MYH13: variants seen among roughly 807,000 people sequenced by gnomAD.
MYH13 encodes myosin heavy chain 13.
A neutral mutation model predicts 232.1 loss-of-function variants in MYH13; 177 were observed. The observed-to-expected ratio is 0.76, with a 90% CI of 0.67 to 0.86. The LOEUF is 0.86. Among genes scored for constraint, MYH13 ranks in the 40% least tolerant of loss-of-function variants. The pLI, the probability that MYH13 is intolerant of heterozygous loss-of-function variation, is 0.00. For synonymous variants in MYH13, 884 were observed against 923.5 expected, an observed-to-expected ratio of 0.96 and a Z score of 0.78; for missense variants, 2,246 against 2,405.9, an observed-to-expected ratio of 0.93 and a Z score of 1.39.
intron 7 of MYH13, among the ~76,000 whole-genome samples, chr17:10,359,245 C>G (rs988297767): frequency 5.3e-5 from 8 of 152,116 alleles, no homozygotes; most frequent in Non-Finnish European, 8.8e-5. Context: ...TATTCCTGAC[C>G]CCTGGGAAGG....
At chr17:10,331,169 G>A (rs1907397399) in intron 20 of MYH13, among the ~76,000 whole-genome samples, 1 of 152,156 alleles carries the variant, frequency 6.6e-6, no homozygotes, top group Non-Finnish European at 1.5e-5. Flanking sequence ...ATTGTGCCCA[G>A]ATCAGAGAGA....
At chr17:10,336,289 G>A (rs992153415) in intron 18 of MYH13, among the ~76,000 whole-genome samples, 3 of 152,104 alleles carry the variant, frequency 2.0e-5, no homozygotes, top group African/African-American at 4.8e-5. Context: ...GTACCAATGC[G>A]TAAAACTTCT....
chr17:10,345,250 G>C lies in MYH13; in HGVS notation c.1536C>G (p.Phe512Leu). Residue 512 changes from phenylalanine to leucine, a missense_variant, in exon 15 of 41, where the codon TTC becomes TTG. Coordinates refer to ENST00000252172, the MANE Select transcript of MYH13 (RefSeq NM_003802.3). ...CAGCCAGGTCCATTCCGAAGTCAAT[G>C]AACTCCCACTCGATGCCTTCCTTCT... ...EYKKEGIEWE[F>L]IDFGMDLAAC... The C allele has an allele frequency of 6.2e-7, 1 of 1,614,144 alleles. No individual in the cohort carries two copies. The highest frequency in any genetic ancestry group is 8.5e-7 in the Non-Finnish European group (1 of 1,180,006).
Position 10,354,978 on chromosome 17 carries a change from G to A in MYH13, c.818C>T (p.Ser273Phe), listed in dbSNP as rs2071737873. ...ACTGGATAATTGAAACGTCACTCTG[G>A]ATTTTTCTAACAGATCTAAGGTAAC... ...ADIETYLLEK[S>F]RVTFQLSSER... The change falls in exon 10 of 41, where the codon TCC becomes TTC. Residue 273 changes from serine to phenylalanine, a missense_variant. Coordinates refer to ENST00000252172, the MANE Select transcript of MYH13 (RefSeq NM_003802.3). The A allele has an allele frequency of 1.2e-6, 2 of 1,610,286 alleles. No homozygotes were observed. The highest frequency in any genetic ancestry group is 1.7e-6 in the Non-Finnish European group (2 of 1,176,600).
At position 10,367,529 on chromosome 17, in the gene MYH13, A is replaced by G. The variant is rs566251142; in HGVS notation, c.-12-2987T>C. 2.0e-5 allele frequency among the ~76,000 whole-genome samples: 3 copies of G among 152,186 alleles called. No homozygotes were observed. The East Asian group carries it at 5.8e-4, about 29-fold the overall frequency. On this transcript the variant is annotated intron_variant, in intron 2 of 40. Transcript: ENST00000252172. ...ATGCCCAGCTAATTTTTGTATTTTT[A>G]GTACAGACGGGTTTTCACCATGTTG...
chr17:10,349,112 CTCTT>C (rs2071690427), intron 12 of MYH13, among the ~76,000 whole-genome samples: 1 of 148,054 alleles, frequency 6.8e-6, no homozygotes, highest in African/African-American at 2.5e-5. Flanking sequence ...TTCTTTCTTT[CTCTT>C]TATTTCATGG....
intron 2 of MYH13, among the ~76,000 whole-genome samples, chr17:10,367,499 C>G (rs966718871): frequency 6.6e-6 from 1 of 152,176 alleles, no homozygotes; most frequent in Middle Eastern, 3.4e-3. Context: ...TAGGTGCCCA[C>G]CACCATGCCC....
At chr17:10,328,157 G>A (rs778607123) in intron 21 of MYH13, 36 bp from the exon 22 acceptor site, 1 of 1,607,188 alleles carries the variant, frequency 6.2e-7, no homozygotes, top group African/African-American at 1.3e-5. Flanking sequence ...AATAAATCCA[G>A]CAAGGTCTGG....
chr17:10,326,695 C>T (rs1015681414), intron 22 of MYH13, among the ~76,000 whole-genome samples: 1 of 151,360 alleles, frequency 6.6e-6, no homozygotes, highest in Non-Finnish European at 1.5e-5. Context: ...GCCAAGATGG[C>T]CTTAATCTCC....
At chr17:10,343,694 AC>A in intron 16 of MYH13, 105 bp downstream of exon 16, 2 of 1,239,720 alleles carry the variant, frequency 1.6e-6, no homozygotes, top group Non-Finnish European at 2.2e-6. Context: ...GAAACATCAT[AC>A]TCAGCTGAAG....
At chr17:10,338,689 G>GTTT (rs757791680) in intron 18 of MYH13, among the ~76,000 whole-genome samples, 2,106 of 108,552 alleles carry the variant, frequency 0.019, 37 homozygotes, top group Non-Finnish European at 0.028. Flanking sequence ...TTTTATCCTT[G>GTTT]TTTTTTTTTT....
chr17:10,318,929 T>C lies in MYH13; in HGVS notation c.3599A>G (p.Gln1200Arg). The C allele has an allele frequency of 1.2e-6, 2 of 1,614,188 alleles. No homozygotes were observed. Among genetic ancestry groups the C allele is most frequent in the Non-Finnish European group, 1.7e-6 (2 of 1,180,032 alleles). The stretch of plus-strand genomic sequence containing the variant: ...CCCAAGCTCGGCCACACTATCTGCT[T>C]GCTTCTTCCTCAGGGTGGCTGCTGT... ...EATAATLRKK[Q>R]ADSVAELGEQ... Residue 1200 changes from glutamine to arginine, a missense_variant, in exon 27 of 41, where the codon CAA becomes CGA. Transcript: ENST00000252172.
rs757260203 is a variant in MYH13, at chr17:10,324,085, G to A, written c.2871C>T (p.Asp957=). The change falls in exon 23 of 41, where the codon GAC becomes GAT. Residue 957 remains aspartate (D), a synonymous_variant. Transcript: ENST00000252172. ...LEDKCSSLKR[D]IDDLELTLTK... ...TCAAGGTCAGCTCCAGGTCATCAATGTCTCTCTTGAGAGAGGAGCATTTAT... is the reference window on the plus strand; with the variant it reads ...TCAAGGTCAGCTCCAGGTCATCAATATCTCTCTTGAGAGAGGAGCATTTAT... 2 of 1,613,870 alleles carry A rather than the reference G, an allele frequency of 1.2e-6. No individual in the cohort carries two copies. The highest frequency in any genetic ancestry group is 1.7e-6 in the Non-Finnish European group (2 of 1,179,948).
intron 18 of MYH13, among the ~76,000 whole-genome samples, chr17:10,338,464 A>C (rs957311697): frequency 7.3e-5 from 11 of 151,670 alleles, no homozygotes; most frequent in Admixed American, 2.6e-4. Flanking sequence ...TAAAGTTTAT[A>C]GTTCTGAGTG....
intron 18 of MYH13, among the ~76,000 whole-genome samples, chr17:10,339,104 A>G (rs1433535719): frequency 6.6e-6 from 1 of 151,834 alleles, no homozygotes; most frequent in African/African-American, 2.4e-5. Context: ...CCCCCCGACA[A>G]CGTATACCTC....
rs753474918 is a variant in MYH13, at chr17:10,350,566, G to A, written c.1134C>T (p.Asp378=). 2.5e-6 allele frequency: 4 copies of A among 1,612,466 alleles called. No homozygotes were observed. In the African/African-American group the frequency reaches 4.0e-5, roughly 16 times the overall value. ...QKQREEQAEP[D]GTEVADKAGY... ...CCCAGATGCAGTTACCTTCGGTGCC[G>A]TCTGGCTCCGCCTGCTCCTCACGCT... The change falls in exon 12 of 41, where the codon GAC becomes GAT. Residue 378 remains aspartate (D), a synonymous_variant. Coordinates refer to ENST00000252172, the MANE Select transcript of MYH13 (RefSeq NM_003802.3).
chr17:10,308,135 G>T (rs1425453699), intron 35 of MYH13, among the ~76,000 whole-genome samples: 3 of 152,018 alleles, frequency 2.0e-5, no homozygotes, highest in African/African-American at 7.2e-5. Flanking sequence ...GACAATCCTG[G>T]CCAACATGGT....
At chr17:10,357,210 C>A (rs373445447) in intron 8 of MYH13, among the ~76,000 whole-genome samples, 3 of 152,178 alleles carry the variant, frequency 2.0e-5, no homozygotes, top group Non-Finnish European at 2.9e-5. Context: ...GATCCGCCCC[C>A]CTCAGCCTCC....
At chr17:10,359,185 T>A (rs2071772090) in intron 7 of MYH13, among the ~76,000 whole-genome samples, 1 of 152,242 alleles carries the variant, frequency 6.6e-6, no homozygotes, top group Non-Finnish European at 1.5e-5. Flanking sequence ...GGATGGGGGC[T>A]GGCTGCCAGG....
Sources: gnomAD v4.1 joint callset for allele counts (sites outside exome capture counted in the v4.1 genomes callset) on GRCh38, gnomAD v4.1.1 for gene constraint, MANE v1.5 for transcripts, NCBI Gene and HGNC (gene_info 2026-07-23, HGNC 2026-07-21) for gene names.